The following P3H2 variants were observed in gnomAD, a reference collection of about 807,000 sequenced individuals.
P3H2 encodes the protein leprecan-like 1.
In P3H2, 80 loss-of-function variants were observed where a neutral mutation model predicts 87.0. That is an observed-to-expected ratio of 0.92 (90% confidence interval 0.77 to 1.11). The LOEUF (loss-of-function observed/expected upper bound fraction) is 1.11. Among genes scored for constraint, P3H2 ranks in the 50% least tolerant of loss-of-function variants. The pLI is 0.00. For synonymous variants in P3H2, 367 were observed against 359.3 expected (o/e 1.02, Z -0.24); for missense variants, 1,001 against 923.9 (o/e 1.08, Z -1.08).
At chr3:190,000,030 G>T (rs1450600986) in intron 1 of P3H2, among the ~76,000 whole-genome samples, 1 of 152,172 alleles carries the variant, frequency 6.6e-6, no homozygotes, top group African/African-American at 2.4e-5. Flanking sequence ...CACAGAAAGA[G>T]TTTTCCATAG....
intron 1 of P3H2, among the ~76,000 whole-genome samples, chr3:190,093,818 T>C (rs1351367105): frequency 2.6e-5 from 4 of 152,230 alleles, no homozygotes; most frequent in Non-Finnish European, 5.9e-5. Flanking sequence ...TGGTAAGTTT[T>C]AGAAAAATTC....
intron 1 of P3H2, among the ~76,000 whole-genome samples, chr3:190,070,244 A>G (rs868264537): frequency 1.8e-4 from 27 of 152,104 alleles, no homozygotes; most frequent in African/African-American, 4.8e-4. Flanking sequence ...ATTATTTACT[A>G]TTGAGAGAGG....
At chr3:189,977,075 C>T (rs764597097) in intron 8 of P3H2, among the ~76,000 whole-genome samples, 6 of 152,130 alleles carry the variant, frequency 3.9e-5, no homozygotes, top group Non-Finnish European at 7.4e-5. Context: ...TCTCCCTCCC[C>T]GACTCCCCCA....
chr3:189,986,671 A>C, intron 6 of P3H2, 117 bp downstream of exon 6: 1 of 753,862 alleles, frequency 1.3e-6, no homozygotes, highest in Non-Finnish European at 2.4e-6. Flanking sequence ...TACCTCAAGG[A>C]GGGCATCGAA....
At chr3:190,004,469 G>A (rs748081516) in intron 1 of P3H2, among the ~76,000 whole-genome samples, 39 of 151,898 alleles carry the variant, frequency 2.6e-4, no homozygotes, top group Non-Finnish European at 4.7e-4. Context: ...TGCAAGCTCC[G>A]CCTCCCGGGT....
chr3:190,112,628 C>T (rs139797413), intron 1 of P3H2, among the ~76,000 whole-genome samples: 153 of 152,170 alleles, frequency 1.0e-3, no homozygotes, highest in African/African-American at 3.5e-3. Context: ...CAAGGAAAAA[C>T]AGAGAAATAA....
chr3:190,008,532 A>C (rs1243478466), intron 1 of P3H2, among the ~76,000 whole-genome samples: 1 of 152,202 alleles, frequency 6.6e-6, no homozygotes, highest in African/African-American at 2.4e-5. Flanking sequence ...GGTTAAAAAA[A>C]CTGAGGGTTT....
At chr3:190,074,440 G>A (rs1244053979) in intron 1 of P3H2, among the ~76,000 whole-genome samples, 2 of 152,120 alleles carry the variant, frequency 1.3e-5, no homozygotes, top group Non-Finnish European at 2.9e-5. Context: ...GAACCCAGGA[G>A]GCGGAGGTTG....
rs183426204 is a variant in P3H2, at chr3:190,022,974, C to T, written c.481-27532G>A. On this transcript the variant is annotated intron_variant, in intron 1 of 14. Transcript: ENST00000319332. ...CCCGAGTAGCTGGGACTACAGGCAC[C>T]CACCACCACGCCTGGCTAATTTTTT... Among the ~76,000 whole-genome samples the T allele has an allele frequency of 6.1e-3, 935 of 152,122 alleles. 17 individuals carry two copies. Among genetic ancestry groups the T allele is most frequent in the Admixed American group, 4.6e-3 (71 of 15,274 alleles).
At chr3:189,961,114 T>C (rs945878227) in intron 14 of P3H2, among the ~76,000 whole-genome samples, 3 of 152,124 alleles carry the variant, frequency 2.0e-5, no homozygotes, top group Non-Finnish European at 4.4e-5. Context: ...CTAATTTTTG[T>C]AATTTTAGTA....
intron 8 of P3H2, among the ~76,000 whole-genome samples, chr3:189,979,057 T>A (rs551588263): frequency 9.9e-5 from 15 of 152,180 alleles, no homozygotes; most frequent in African/African-American, 3.6e-4. Flanking sequence ...AGAAATTCGA[T>A]AGTGTCATAC....
At position 189,957,963 on chromosome 3, in the gene P3H2, T is replaced by A; in HGVS notation, c.2076A>T (p.Gln692His). The A allele has an allele frequency of 6.2e-7, 1 of 1,614,002 alleles. No homozygotes were observed. The highest frequency in any genetic ancestry group is 8.5e-7 in the Non-Finnish European group (1 of 1,179,862). The change falls in exon 15 of 15, where the codon CAA (glutamine) becomes CAT (histidine). Residue 692 changes from glutamine to histidine, a missense_variant. By Grantham distance (24) the Gln-to-His change is conservative. Transcript: ENST00000319332. ...TCAGTTCATGCTTCCCTTGCTGTTC[T>A]TGATCCAGAATTGCAATCACTTCAT... is the stretch of plus-strand genomic sequence containing the variant. ...QADEVIAILD[Q>H]EQQGKHELNI...
chr3:190,068,434 CT>C (rs1452996223), intron 1 of P3H2, among the ~76,000 whole-genome samples: 1 of 152,166 alleles, frequency 6.6e-6, no homozygotes, highest in Non-Finnish European at 1.5e-5. Context: ...ACTCAGCCCC[CT>C]GGACACACAC....
intron 1 of P3H2, among the ~76,000 whole-genome samples, chr3:190,024,016 A>G (rs1443285985): frequency 1.3e-5 from 2 of 152,184 alleles, no homozygotes; most frequent in African/African-American, 4.8e-5. Context: ...AAATATAAAC[A>G]TATGTGCTTT....
chr3:190,083,806 A>C (rs1577315225), intron 1 of P3H2, among the ~76,000 whole-genome samples: 1 of 152,214 alleles, frequency 6.6e-6, no homozygotes, highest in African/African-American at 2.4e-5. Flanking sequence ...ATGAGACAAC[A>C]GAACCCTCCC....
chr3:189,984,067 T>G (rs3114671), intron 7 of P3H2, among the ~76,000 whole-genome samples: 1 of 151,818 alleles, frequency 6.6e-6, no homozygotes, highest in Non-Finnish European at 1.5e-5. Flanking sequence ...CCTAAAACTT[T>G]AAGTATAATA....
rs558632536 is a variant in P3H2, at chr3:190,080,616, A to C, written c.480+39636T>G. 6.6e-3 allele frequency among the ~76,000 whole-genome samples: 1,008 copies of C among 151,982 alleles called. 10 individuals are homozygous for C. Among genetic ancestry groups the C allele is most frequent in the Middle Eastern group, 0.058 (17 of 294 alleles). ...AGGGTTTTTCCATGTTGGTCAGGCTAGTCTCGAACTCCCGACCTCAGGTGA... is the reference window on the plus strand; with the variant it reads ...AGGGTTTTTCCATGTTGGTCAGGCTCGTCTCGAACTCCCGACCTCAGGTGA... On this transcript the variant is annotated intron_variant, in intron 1 of 14. Coordinates refer to ENST00000319332, the MANE Select transcript of P3H2 (RefSeq NM_018192.4).
chr3:189,995,548 GA>G lies in P3H2; in HGVS notation c.481-107del, dbSNP rs1234529001. On this transcript the variant is annotated intron_variant, in intron 1 of 14. Transcript: ENST00000319332. The stretch of plus-strand genomic sequence containing the variant: ...TCTCACAGTTTAAGAATGAAACTAG[GA>G]GCCTTGGTTTTTTTTTTTTTTATCA... The G allele has an allele frequency of 3.4e-5, 36 of 1,050,238 alleles. No individual in the cohort carries two copies. In the Admixed American group the frequency reaches 3.8e-4, roughly 11 times the overall value. The allele number at this position is 1,050,238 out of a possible 1,614,324, so 65.1% of individuals were successfully genotyped here. A position where few individuals can be genotyped will look rare whatever the true frequency, so the allele number is the denominator to read the frequency against.
chr3:189,966,133 AAG>A (rs763976535), intron 13 of P3H2, among the ~76,000 whole-genome samples: 2,794 of 79,546 alleles, frequency 0.035, 37 homozygotes, highest in Middle Eastern at 0.056. Context: ...AAAAGAAAGA[AAG>A]AAAGAAAGAA....
Sources: allele counts gnomAD v4.1 joint callset (sites outside exome capture counted in the v4.1 genomes callset), GRCh38; gene constraint gnomAD v4.1.1; transcripts MANE v1.5; gene names NCBI Gene and HGNC (gene_info 2026-07-23, HGNC 2026-07-21).